GPR89B: variants seen among roughly 807,000 people sequenced by gnomAD.
GPR89B encodes the protein golgi pH regulator B.
GPR89B carries 25 observed loss-of-function variants against 52.4 expected under a neutral mutation model. The ratio of observed to expected loss-of-function variants is 0.48; its 90% CI spans 0.35 to 0.67. The LOEUF (loss-of-function observed/expected upper bound fraction) is 0.67. Ranked by LOEUF, GPR89B falls within the 30% of genes least tolerant of loss-of-function variation. The probability of loss-of-function intolerance (pLI) is 0.01; values close to 1 mark genes in which losing one functional copy is unlikely to be tolerated. For missense variants in GPR89B, 146 were observed against 450.2 expected (o/e 0.32, Z 6.11); for synonymous variants, 52 against 151.2 (o/e 0.34, Z 4.81).
At chr1:147,988,023 T>G (rs1405065065) in intron 11 of GPR89B, among the ~76,000 whole-genome samples, 1 of 152,084 alleles carries the variant, frequency 6.6e-6, no homozygotes, top group African/African-American at 2.4e-5. Context: ...ATTAGTTCTG[T>G]TTTTTTCTGA....
intron 8 of GPR89B, chr1:147,968,547 A>G: frequency 4.7e-6 from 2 of 424,440 alleles, no homozygotes; most frequent in South Asian, 4.2e-5. Context: ...TTATTCTGTA[A>G]CTATTTACAA....
At chr1:147,998,604 G>A in the GPR89B span, among the ~76,000 whole-genome samples, 1 of 152,042 alleles carries the variant, frequency 6.6e-6, no homozygotes, top group African/African-American at 2.4e-5. Flanking sequence ...TTTTGGCCGG[G>A]CTTGGTGGCT....
chr1:148,002,038 CTTTTTTT>C, the GPR89B span, among the ~76,000 whole-genome samples: 1 of 130,048 alleles, frequency 7.7e-6, no homozygotes, highest in Non-Finnish European at 1.6e-5. Context: ...CCAGATGCTG[CTTTTTTT>C]TTTTTTTTTT....
intron 10 of GPR89B, among the ~76,000 whole-genome samples, chr1:147,983,278 C>G (rs1362479934): frequency 2.0e-5 from 3 of 152,110 alleles, no homozygotes; most frequent in Non-Finnish European, 4.4e-5. Flanking sequence ...GACTTCATGT[C>G]TAAAAGCATA....
At chr1:147,983,534 C>T (rs2149090467) in intron 10 of GPR89B, among the ~76,000 whole-genome samples, 1 of 152,328 alleles carries the variant, frequency 6.6e-6, no homozygotes, top group East Asian at 1.9e-4. Flanking sequence ...ACAGACACTT[C>T]TCAAAAGAAG....
the GPR89B span, among the ~76,000 whole-genome samples, chr1:148,018,854 C>T: frequency 6.7e-6 from 1 of 148,690 alleles, no homozygotes; most frequent in South Asian, 2.1e-4. Context: ...TTAGTAGAAA[C>T]GGGGTTTCTC....
At chr1:148,012,824 A>C in the GPR89B span, among the ~76,000 whole-genome samples, 1 of 152,006 alleles carries the variant, frequency 6.6e-6, no homozygotes, top group African/African-American at 2.4e-5. Context: ...AAGTGTATAC[A>C]TTGATAGGTT....
intron 3 of GPR89B, among the ~76,000 whole-genome samples, chr1:147,941,570 C>T (rs1203556208): frequency 4.4e-4 from 67 of 150,724 alleles, no homozygotes; most frequent in Admixed American, 1.4e-3. Flanking sequence ...ACATATTTCT[C>T]TTGAAAGGAT....
At chr1:147,961,657 T>A (rs1325564118) in intron 7 of GPR89B, among the ~76,000 whole-genome samples, 9 of 152,240 alleles carry the variant, frequency 5.9e-5, no homozygotes, top group African/African-American at 1.9e-4. Context: ...CCAATTTTTT[T>A]AAATCAATTG....
chr1:147,984,645 G>A (rs1658534471), intron 10 of GPR89B, among the ~76,000 whole-genome samples: 1 of 149,608 alleles, frequency 6.7e-6, no homozygotes, highest in African/African-American at 2.5e-5. Context: ...CTGATATAGG[G>A]GTTTTAATGC....
chr1:148,014,291 A>T, the GPR89B span: 1 of 151,920 alleles, frequency 6.6e-6, no homozygotes, highest in Non-Finnish European at 1.5e-5. Flanking sequence ...AAAGACAGAG[A>T]GCTCACATCT....
At chr1:147,995,272 C>T (rs1659288138), downstream of GPR89B, among the ~76,000 whole-genome samples, 1 of 150,266 alleles carries the variant, frequency 6.7e-6, no homozygotes, top group Non-Finnish European at 1.5e-5. Context: ...CCACAGCTGA[C>T]AAATGACAGA....
intron 7 of GPR89B, among the ~76,000 whole-genome samples, chr1:147,963,426 A>C (rs1195949766): frequency 7.9e-5 from 12 of 151,730 alleles, no homozygotes; most frequent in Non-Finnish European, 1.5e-4. Context: ...TAAGCTACCC[A>C]CTGGGAGAAA....
chr1:147,968,696 A>C (rs1657207332), intron 8 of GPR89B, 179 bp from the exon 9 acceptor site: 2 of 774,518 alleles, frequency 2.6e-6, no homozygotes, highest in Non-Finnish European at 4.3e-6. Flanking sequence ...GCTTTTACAC[A>C]CCTGCGTCAG....
intron 10 of GPR89B, among the ~76,000 whole-genome samples, chr1:147,977,540 G>A (rs1413265083): frequency 2.0e-5 from 3 of 151,930 alleles, no homozygotes; most frequent in Non-Finnish European, 4.4e-5. Context: ...TTGCTAGGTT[G>A]GGGAAGTTCT....
the GPR89B span, among the ~76,000 whole-genome samples, chr1:148,001,774 A>G: frequency 1.3e-5 from 2 of 150,904 alleles, no homozygotes; most frequent in Non-Finnish European, 3.0e-5. Context: ...TGTTACTAAA[A>G]GCATCTGACA....
the GPR89B span, among the ~76,000 whole-genome samples, chr1:148,013,949 G>A: frequency 1.3e-5 from 2 of 151,684 alleles, no homozygotes; most frequent in East Asian, 1.9e-4. Context: ...GCCTCCGTGC[G>A]GAGCCAGGCC....
intron 10 of GPR89B, among the ~76,000 whole-genome samples, chr1:147,980,692 G>A (rs1571308438): frequency 1.3e-5 from 2 of 150,754 alleles, no homozygotes; most frequent in African/African-American, 4.9e-5. Flanking sequence ...TTCCATACTC[G>A]CCTGTAGTCC....
Position 147,928,596 on chromosome 1 carries a change from G to A in GPR89B, c.42+18G>A, listed in dbSNP as rs1553246503. ...CCTCCCAGGTGAGTCACCGCCTCCC[G>A]CCCCGACACCCGTCCGCCTCCCTTC... On this transcript the variant is annotated intron_variant, in intron 1 of 13. Coordinates refer to ENST00000314163, the MANE Select transcript of GPR89B (RefSeq NM_016334.5). 4 of 1,613,736 alleles carry A rather than the reference G, an allele frequency of 2.5e-6. No homozygotes were observed. Among genetic ancestry groups the A allele is most frequent in the Non-Finnish European group, 3.4e-6 (4 of 1,179,672 alleles).
Sources: gnomAD v4.1 joint callset for allele counts (sites outside exome capture counted in the v4.1 genomes callset) on GRCh38, gnomAD v4.1.1 for gene constraint, MANE v1.5 for transcripts, NCBI Gene and HGNC (gene_info 2026-07-23, HGNC 2026-07-21) for gene names.